BRAF: variants seen among roughly 807,000 people sequenced by gnomAD.
BRAF encodes serine/threonine-protein kinase B-raf.
A neutral mutation model predicts 104.6 loss-of-function variants in BRAF; 16 were observed. The observed-to-expected ratio is 0.15, with a 90% CI of 0.10 to 0.23. BRAF has a LOEUF of 0.23. BRAF is among the 10% of genes least tolerant of loss of function. The probability of loss-of-function intolerance (pLI) is 1.00; values close to 1 mark genes in which losing one functional copy is unlikely to be tolerated. For missense variants in BRAF, 541 were observed against 937.3 expected (o/e 0.58, Z 5.52); for synonymous variants, 310 against 341.6 (o/e 0.91, Z 1.02).
rs1472347749 is a variant in BRAF, at chr7:140,754,084, T to C, written c.1861+103A>G. 5.9e-6 allele frequency: 7 copies of C among 1,196,056 alleles called. No individual in the cohort carries two copies. In the African/African-American group the frequency reaches 1.1e-4, roughly 18 times the overall value. The allele number at this position is 1,196,056 out of a possible 1,614,324, so 74.1% of individuals were successfully genotyped here. On this transcript the variant is annotated intron_variant, in intron 15 of 19. Transcript: ENST00000644969. ...CTTTATTAATTCTCTTTACAGTATA[T>C]CGAACTTAGCATGAAAACTGTTTTT... is the stretch of plus-strand genomic sequence containing the variant.
chr7:140,728,224 T>A (rs929459338), intron 19 of BRAF, among the ~76,000 whole-genome samples: 1 of 152,146 alleles, frequency 6.6e-6, no homozygotes, highest in Non-Finnish European at 1.5e-5. Flanking sequence ...ATCATCTATA[T>A]TATATAGATG....
intron 9 of BRAF, among the ~76,000 whole-genome samples, chr7:140,786,749 C>T (rs558060239): frequency 3.3e-5 from 5 of 152,204 alleles, no homozygotes; most frequent in African/African-American, 1.2e-4. Flanking sequence ...TCTGACAAAC[C>T]CCCTCTTCAG....
chr7:140,861,625 T>C (rs553992677), intron 1 of BRAF, among the ~76,000 whole-genome samples: 2 of 152,324 alleles, frequency 1.3e-5, no homozygotes, highest in South Asian at 4.1e-4. Context: ...GTATCTGAAA[T>C]GTGCATGGGC....
At chr7:140,886,286 C>T (rs1254721358) in intron 1 of BRAF, among the ~76,000 whole-genome samples, 1 of 152,174 alleles carries the variant, frequency 6.6e-6, no homozygotes, top group Non-Finnish European at 1.5e-5. Flanking sequence ...TAACTGGTTT[C>T]CTCATTTCTT....
intron 14 of BRAF, among the ~76,000 whole-genome samples, chr7:140,775,368 A>T (rs1409521483): frequency 3.5e-5 from 5 of 144,742 alleles, no homozygotes; most frequent in African/African-American, 1.3e-4. Context: ...TTTTTTTGAG[A>T]CGGAATTTTG....
downstream of BRAF, among the ~76,000 whole-genome samples, chr7:140,718,863 A>G (rs1795196688): frequency 6.6e-6 from 1 of 152,242 alleles, no homozygotes; most frequent in South Asian, 2.1e-4. Context: ...AAAAAAATGA[A>G]GTAGAAAACA....
intron 14 of BRAF, among the ~76,000 whole-genome samples, chr7:140,754,701 G>C (rs181284737): frequency 6.6e-6 from 1 of 152,258 alleles, no homozygotes; most frequent in Admixed American, 6.5e-5. Flanking sequence ...TAACCGAACT[G>C]AAAGTGCTCT....
intron 3 of BRAF, among the ~76,000 whole-genome samples, chr7:140,833,027 C>T (rs1488861588): frequency 6.6e-6 from 1 of 152,042 alleles, no homozygotes; most frequent in Non-Finnish European, 1.5e-5. Flanking sequence ...GCACCCACCA[C>T]CACGCCCCGC....
At chr7:140,877,906 A>T (rs1047719025) in intron 1 of BRAF, among the ~76,000 whole-genome samples, 1 of 152,172 alleles carries the variant, frequency 6.6e-6, no homozygotes, top group Non-Finnish European at 1.5e-5. Context: ...AAACCTTTCT[A>T]AAAATAAATC....
intron 1 of BRAF, among the ~76,000 whole-genome samples, chr7:140,852,950 T>A (rs1384395421): frequency 6.6e-6 from 1 of 152,192 alleles, no homozygotes; most frequent in East Asian, 1.9e-4. Flanking sequence ...ACAATCCATT[T>A]CAATCCATCT....
At chr7:140,793,084 T>C (rs906889521) in intron 8 of BRAF, among the ~76,000 whole-genome samples, 1 of 152,052 alleles carries the variant, frequency 6.6e-6, no homozygotes, top group Non-Finnish European at 1.5e-5. Context: ...GAGATGCACA[T>C]GAAAAGGTGA....
At chr7:140,790,378 T>A (rs184179148) in intron 8 of BRAF, among the ~76,000 whole-genome samples, 1 of 152,300 alleles carries the variant, frequency 6.6e-6, no homozygotes, top group East Asian at 1.9e-4. Flanking sequence ...ATTTGAAAAC[T>A]GGATATTTCA....
chr7:140,804,499 A>G (rs778283844), intron 5 of BRAF, among the ~76,000 whole-genome samples: 11 of 150,648 alleles, frequency 7.3e-5, no homozygotes, highest in Non-Finnish European at 1.5e-4. Flanking sequence ...AACTCACAAG[A>G]TTTTCAAATG....
intron 1 of BRAF, among the ~76,000 whole-genome samples, chr7:140,905,543 C>A (rs974766482): frequency 6.6e-6 from 1 of 152,038 alleles, no homozygotes; most frequent in Non-Finnish European, 1.5e-5. Context: ...CCTTATAAAC[C>A]CCATATAACT....
At chr7:140,821,211 T>A (rs1237285978) in intron 3 of BRAF, among the ~76,000 whole-genome samples, 1 of 151,964 alleles carries the variant, frequency 6.6e-6, no homozygotes, top group Non-Finnish European at 1.5e-5. Context: ...CTTGAACTCC[T>A]GGGCTCAAGC....
intron 14 of BRAF, among the ~76,000 whole-genome samples, chr7:140,775,626 A>C (rs535826139): frequency 6.6e-6 from 1 of 152,312 alleles, no homozygotes; most frequent in South Asian, 2.1e-4. Flanking sequence ...AGTGTGAGCC[A>C]CTGTGCCTGG....
In BRAF at chr7:140,725,699, G is replaced by T; in HGVS notation, c.*795C>A. 2 of 890,932 alleles carry T rather than the reference G, an allele frequency of 2.2e-6. No individual in the cohort carries two copies. Among genetic ancestry groups the T allele is most frequent in the South Asian group, 1.0e-4 (2 of 19,376 alleles). 55.2% of individuals were successfully genotyped at this position (890,932 alleles called of 1,614,324 possible). A position where few individuals can be genotyped will look rare whatever the true frequency, so the allele number is the denominator to read the frequency against. On this transcript the variant is annotated 3_prime_UTR_variant, in exon 20 of 20. Transcript: ENST00000644969. ...CCTGAGAATTTGCTACATTGTGGAG[G>T]AAAAAAAAAAAACCCAAACACTTAT...
chr7:140,762,559 T>C (rs1798845447), intron 14 of BRAF, among the ~76,000 whole-genome samples: 3 of 131,916 alleles, frequency 2.3e-5, no homozygotes, highest in South Asian at 2.4e-4. Flanking sequence ...CTGAAGGAAA[T>C]AGAGACAAAA....
chr7:140,825,754 TTTTCTGA>T (rs1011746379), intron 3 of BRAF, among the ~76,000 whole-genome samples: 27 of 152,310 alleles, frequency 1.8e-4, no homozygotes, highest in Middle Eastern at 3.4e-3. Context: ...TATTCTATTG[TTTTCTGA>T]TTTCTACAAC....
Sources: allele counts gnomAD v4.1 joint callset (sites outside exome capture counted in the v4.1 genomes callset), GRCh38; gene constraint gnomAD v4.1.1; transcripts MANE v1.5; gene names NCBI Gene and HGNC (gene_info 2026-07-23, HGNC 2026-07-21).